SANBR: variants seen among roughly 807,000 people sequenced by gnomAD.
The protein encoded by SANBR is SANT and BTB domain regulator of class switch recombination.
A neutral mutation model predicts 101.8 loss-of-function variants in SANBR; 77 were observed. The ratio of observed to expected loss-of-function variants is 0.76; its 90% CI spans 0.63 to 0.91. The LOEUF is 0.91. Among genes scored for constraint, SANBR ranks in the 40% least tolerant of loss-of-function variants. The pLI is 0.00. For missense variants in SANBR, 875 were observed against 853.0 expected (o/e 1.03, Z -0.32); for synonymous variants, 279 against 274.7 (o/e 1.02, Z -0.15).
chr2:61,098,973 GA>G (rs1177836410), intron 12 of SANBR, among the ~76,000 whole-genome samples: 1 of 152,216 alleles, frequency 6.6e-6, no homozygotes, highest in Non-Finnish European at 1.5e-5. Context: ...AGATGTCAAG[GA>G]AATCCTCAAA....
chr2:61,096,085 C>T (rs1683017068), intron 11 of SANBR, among the ~76,000 whole-genome samples: 1 of 152,102 alleles, frequency 6.6e-6, no homozygotes, highest in Non-Finnish European at 1.5e-5. Flanking sequence ...AACTTTCTAC[C>T]TCCCACTGGC....
downstream of SANBR, among the ~76,000 whole-genome samples, chr2:61,126,692 C>T (rs1351160629): frequency 6.7e-6 from 1 of 148,778 alleles, no homozygotes; most frequent in African/African-American, 2.5e-5. Flanking sequence ...ATCCCAGCTA[C>T]TTGGGAGGCT....
At chr2:61,127,071 ACT>A (rs1172403643), downstream of SANBR, among the ~76,000 whole-genome samples, 2 of 152,090 alleles carry the variant, frequency 1.3e-5, no homozygotes, top group African/African-American at 4.8e-5. Context: ...TGACATTATT[ACT>A]CTGATACTTT....
At chr2:61,127,788 G>T (rs893456742), downstream of SANBR, among the ~76,000 whole-genome samples, 2 of 152,174 alleles carry the variant, frequency 1.3e-5, no homozygotes, top group African/African-American at 2.4e-5. Context: ...AAGGAGAGGA[G>T]AGAGAGAAAG....
intron 10 of SANBR, chr2:61,089,065 T>C: frequency 1.0e-6 from 1 of 953,358 alleles, no homozygotes; most frequent in Non-Finnish European, 1.2e-6. Context: ...AAATGCTCTC[T>C]TTTCACTAAC....
At chr2:61,087,143 A>G (rs113616615) in intron 8 of SANBR, among the ~76,000 whole-genome samples, 185 of 152,306 alleles carry the variant, frequency 1.2e-3, no homozygotes, top group African/African-American at 4.2e-3. Context: ...CACACTTTAT[A>G]CTTGAGAAAA....
At chr2:61,079,026 G>A (rs1038033332) in intron 6 of SANBR, among the ~76,000 whole-genome samples, 1 of 151,716 alleles carries the variant, frequency 6.6e-6, no homozygotes, top group African/African-American at 2.4e-5. Context: ...GTGACAGAGT[G>A]AGACCCTTTC....
chr2:61,104,478 AG>A (rs1302621529), intron 13 of SANBR, among the ~76,000 whole-genome samples: 3 of 92,500 alleles, frequency 3.2e-5, no homozygotes, highest in African/African-American at 1.6e-4. Flanking sequence ...CAAAAAAAAA[AG>A]AGCAAAAAAA....
chr2:61,071,541 C>G (rs1295563991), intron 3 of SANBR, 65 bp from the exon 4 acceptor site: 5 of 1,089,668 alleles, frequency 4.6e-6, no homozygotes, highest in Non-Finnish European at 5.1e-6. Context: ...CAATGTGAGA[C>G]TCCGTCTCAA....
rs753486727 is a variant in SANBR at position 61,106,653 on chromosome 2, G to C, written c.1602G>C (p.Glu534Asp). Reference sequence around the variant, plus strand: ...CACCATGGGGTCCCAAAACTGGGGAGCTCAATGCTGTGAGTAGTTTTTTTT... The same window carrying C: ...CACCATGGGGTCCCAAAACTGGGGACCTCAATGCTGTGAGTAGTTTTTTTT... The part of the protein sequence containing the change: ...PNTPWGPKTG[E>D]LNAFLSLKNW... The change falls in exon 14 of 22, where the codon GAG (glutamate) becomes GAC (aspartate). Residue 534 changes from glutamate to aspartate, a missense_variant. Glu to Asp is a conservative substitution (Grantham distance 45). Transcript: ENST00000402291. 6.4e-6 allele frequency: 10 copies of C among 1,566,392 alleles called. No individual in the cohort carries two copies. The highest frequency in any genetic ancestry group is 8.6e-6 in the Non-Finnish European group (10 of 1,157,920).
At chr2:61,127,689 G>GA (rs1260866992), downstream of SANBR, among the ~76,000 whole-genome samples, 7 of 151,216 alleles carry the variant, frequency 4.6e-5, no homozygotes, top group African/African-American at 1.5e-4. Flanking sequence ...ATTATAAACA[G>GA]AAAAAAAGAA....
chr2:61,078,957 C>G (rs191745453), intron 6 of SANBR, among the ~76,000 whole-genome samples: 71 of 151,804 alleles, frequency 4.7e-4, no homozygotes, highest in Non-Finnish European at 7.9e-4. Flanking sequence ...GAGAATTGCA[C>G]GAGCCCATGA....
chr2:61,112,210 G>A (rs1027305630), intron 16 of SANBR, among the ~76,000 whole-genome samples: 11 of 152,240 alleles, frequency 7.2e-5, no homozygotes, highest in African/African-American at 2.4e-4. Context: ...GTGTATGAGA[G>A]TTCCAGTTGC....
At position 61,121,223 on chromosome 2, in the gene SANBR, CA is replaced by C. The variant is rs1186873174; in HGVS notation, c.2069del (p.Lys690ArgfsTer33). ...GIYSRLEAQI[K>X]ASVPVSARQS... is the part of the protein sequence containing the mutation. ...TTTATTCCAGGCTGGAAGCACAAAT[CA>C]AGGCCTCAGTGCCAGTTAGTGCACG... On this transcript the variant is annotated frameshift_variant, in exon 21 of 22. Transcript: ENST00000402291. LOFTEE classifies it high-confidence loss of function. 5.8e-6 allele frequency: 9 copies of C among 1,551,184 alleles called. No homozygotes were observed. Among genetic ancestry groups the C allele is most frequent in the Non-Finnish European group, 7.8e-6 (9 of 1,146,610 alleles).
chr2:61,126,988 C>A (rs182385311), downstream of SANBR, among the ~76,000 whole-genome samples: 3 of 152,262 alleles, frequency 2.0e-5, no homozygotes, highest in Admixed American at 2.0e-4. Context: ...GGAGGTATTT[C>A]CTGTGTGCTT....
At chr2:61,093,791 C>A (rs1029283169) in intron 11 of SANBR, among the ~76,000 whole-genome samples, 3 of 152,154 alleles carry the variant, frequency 2.0e-5, no homozygotes, top group Non-Finnish European at 2.9e-5. Context: ...GTTGTTACAA[C>A]AATTTTGTTC....
intron 12 of SANBR, among the ~76,000 whole-genome samples, chr2:61,101,510 G>T (rs1443492518): frequency 6.6e-6 from 1 of 151,898 alleles, no homozygotes; most frequent in Non-Finnish European, 1.5e-5. Context: ...GAGGCGGGCG[G>T]ATCACGAGGT....
chr2:61,072,518 A>T (rs1681527214), intron 4 of SANBR, among the ~76,000 whole-genome samples: 1 of 152,178 alleles, frequency 6.6e-6, no homozygotes, highest in Non-Finnish European at 1.5e-5. Flanking sequence ...TGAAGGTTAC[A>T]GTCAGCTTTG....
chr2:61,088,600 A>C (rs1463271405), intron 10 of SANBR, 132 bp downstream of exon 10: 2 of 511,412 alleles, frequency 3.9e-6, no homozygotes, highest in Admixed American at 8.6e-5. Context: ...GCTGACTGCA[A>C]CCTTCCGCCT....
Sources: gnomAD v4.1 joint callset for allele counts (sites outside exome capture counted in the v4.1 genomes callset) on GRCh38, gnomAD v4.1.1 for gene constraint, MANE v1.5 for transcripts, NCBI Gene and HGNC (gene_info 2026-07-23, HGNC 2026-07-21) for gene names.